Variants in STXBP5L observed in about 807,000 individuals in gnomAD.
The protein encoded by STXBP5L is syntaxin-binding protein 5-like.
In STXBP5L, 65 loss-of-function variants were observed where a neutral mutation model predicts 144.5. The observed-to-expected ratio is 0.45, with a 90% CI of 0.37 to 0.55. The LOEUF is 0.55. Among genes scored for constraint, STXBP5L ranks in the 20% least tolerant of loss-of-function variants. The pLI, the probability that STXBP5L is intolerant of heterozygous loss-of-function variation, is 0.00. For synonymous variants in STXBP5L, 505 were observed against 469.6 expected, an observed-to-expected ratio of 1.08 and a Z score of -0.97; for missense variants, 1,298 against 1,405.5, an observed-to-expected ratio of 0.92 and a Z score of 1.22.
At position 121,415,918 on chromosome 3, in the gene STXBP5L, T is replaced by C; in HGVS notation, c.3176T>C (p.Leu1059Pro). The change falls in exon 25 of 27, where the codon CTC (leucine) becomes CCC (proline). Residue 1059 changes from leucine (L) to proline (P), a missense_variant. Coordinates refer to ENST00000471454, the MANE Select transcript of STXBP5L (RefSeq NM_001308330.2). ...CCAGAAGCTCAAAACAGAGGCTTTC[T>C]CAAGGGACTGTTTGGTGGAAGCGGA... ...ETPEAQNRGF[L>P]KGLFGGSGQT... 1.2e-6 allele frequency: 2 copies of C among 1,613,612 alleles called. No homozygotes were observed. The highest frequency in any genetic ancestry group is 1.7e-6 in the Non-Finnish European group (2 of 1,179,686).
intron 4 of STXBP5L, 79 bp downstream of exon 4, chr3:121,041,860 C>A: frequency 1.1e-6 from 1 of 944,208 alleles, no homozygotes; most frequent in Non-Finnish European, 1.7e-6. Flanking sequence ...CTTTTAAATA[C>A]TGTGATTCTA....
At chr3:121,045,318 T>A in intron 4 of STXBP5L, 117 bp from the exon 5 acceptor site, 1 of 881,424 alleles carries the variant, frequency 1.1e-6, no homozygotes. Flanking sequence ...CTTATATTTC[T>A]GAGATAACAA....
At chr3:121,384,664 G>A (rs2046388112) in intron 22 of STXBP5L, among the ~76,000 whole-genome samples, 1 of 151,774 alleles carries the variant, frequency 6.6e-6, no homozygotes, top group African/African-American at 2.4e-5. Context: ...CGTGAAGAAG[G>A]AAAAGACTAC....
chr3:121,181,776 A>C (rs938631793), intron 9 of STXBP5L, among the ~76,000 whole-genome samples: 2 of 151,994 alleles, frequency 1.3e-5, no homozygotes, highest in African/African-American at 2.4e-5. Flanking sequence ...ACAAACAAAC[A>C]AAAAACAACC....
intron 2 of STXBP5L, among the ~76,000 whole-genome samples, chr3:120,915,596 T>C (rs1342780783): frequency 1.3e-5 from 2 of 152,150 alleles, no homozygotes; most frequent in African/African-American, 4.8e-5. Flanking sequence ...TCTTTTTTAG[T>C]CTTAAAAGGA....
intron 20 of STXBP5L, among the ~76,000 whole-genome samples, chr3:121,370,092 G>A (rs577250239): frequency 7.5e-4 from 114 of 152,236 alleles, no homozygotes; most frequent in African/African-American, 2.6e-3. Context: ...GTGGCTAGGC[G>A]CAGTGGCTCA....
chr3:120,976,235 C>T (rs1003753534), intron 3 of STXBP5L, among the ~76,000 whole-genome samples: 1 of 152,142 alleles, frequency 6.6e-6, no homozygotes, highest in Non-Finnish European at 1.5e-5. Context: ...TGTTATTAGT[C>T]TATTCAGAGA....
intron 3 of STXBP5L, among the ~76,000 whole-genome samples, chr3:120,968,841 C>T (rs1014489826): frequency 6.6e-6 from 1 of 152,042 alleles, no homozygotes; most frequent in Non-Finnish European, 1.5e-5. Flanking sequence ...AGAATAATGG[C>T]CTCCCGCTCC....
chr3:121,358,483 G>A lies in STXBP5L; in HGVS notation c.2177-20233G>A, dbSNP rs189528690. Among the ~76,000 whole-genome samples the A allele has an allele frequency of 2.6e-4, 40 of 152,232 alleles. No individual in the cohort carries two copies. The East Asian group carries it at 6.0e-3, about 23-fold the overall frequency. Reference sequence around the variant, plus strand: ...AGAGAAGGAGGAAGAGAGAGCAAAGGGGGCAGTGCTGCATGTTTTTAAACA... The same window carrying A: ...AGAGAAGGAGGAAGAGAGAGCAAAGAGGGCAGTGCTGCATGTTTTTAAACA... On this transcript the variant is annotated intron_variant, in intron 20 of 26. Transcript: ENST00000471454.
intron 3 of STXBP5L, among the ~76,000 whole-genome samples, chr3:121,004,056 C>G (rs1944032969): frequency 6.6e-6 from 1 of 151,904 alleles, no homozygotes; most frequent in African/African-American, 2.4e-5. Context: ...TCCATATGAA[C>G]TTTAAAGTAG....
chr3:120,991,583 A>T (rs990922607), intron 3 of STXBP5L, among the ~76,000 whole-genome samples: 5 of 152,312 alleles, frequency 3.3e-5, no homozygotes, highest in African/African-American at 1.2e-4. Context: ...AACCAACCCA[A>T]ATGTCCAACA....
intron 5 of STXBP5L, among the ~76,000 whole-genome samples, chr3:121,103,015 C>T (rs1054580133): frequency 6.6e-6 from 1 of 152,032 alleles, no homozygotes; most frequent in South Asian, 2.1e-4. Context: ...TATCTCCTAC[C>T]CATCAGAATG....
chr3:121,056,559 C>T (rs1298023499), intron 5 of STXBP5L, among the ~76,000 whole-genome samples: 2 of 152,108 alleles, frequency 1.3e-5, no homozygotes, highest in African/African-American at 2.4e-5. Flanking sequence ...TTATAACCCA[C>T]ATTTAAAATA....
At chr3:121,232,751 G>C (rs1202880678) in intron 11 of STXBP5L, among the ~76,000 whole-genome samples, 1 of 152,170 alleles carries the variant, frequency 6.6e-6, no homozygotes, top group African/African-American at 2.4e-5. Context: ...GAGTGAACTG[G>C]CAAGGAGACA....
intron 7 of STXBP5L, among the ~76,000 whole-genome samples, chr3:121,138,167 A>G (rs1259368884): frequency 1.3e-5 from 2 of 152,132 alleles, no homozygotes; most frequent in Admixed American, 6.6e-5. Context: ...AATTCTATTT[A>G]CCATATCCAT....
chr3:121,354,283 T>C (rs1214572693), intron 20 of STXBP5L, among the ~76,000 whole-genome samples: 1 of 152,160 alleles, frequency 6.6e-6, no homozygotes, highest in Non-Finnish European at 1.5e-5. Flanking sequence ...CAGTGGGGTG[T>C]TAAAGTCTCC....
At chr3:121,313,231 T>A (rs1340226126) in intron 19 of STXBP5L, among the ~76,000 whole-genome samples, 1 of 77,770 alleles carries the variant, frequency 1.3e-5, no homozygotes, top group African/African-American at 5.6e-5. Flanking sequence ...CCCCCCCACC[T>A]CCCTCCCGGA....
intron 5 of STXBP5L, among the ~76,000 whole-genome samples, chr3:121,068,197 A>G (rs1191345365): frequency 6.6e-6 from 1 of 151,984 alleles, no homozygotes; most frequent in Non-Finnish European, 1.5e-5. Flanking sequence ...TTTAGTAGAA[A>G]TGTGGTTTCA....
At chr3:121,302,376 G>A (rs1315375424) in intron 19 of STXBP5L, among the ~76,000 whole-genome samples, 3 of 152,062 alleles carry the variant, frequency 2.0e-5, no homozygotes, top group African/African-American at 4.8e-5. Context: ...ATTTCTGTGG[G>A]ATTGGTGGTG....
Sources: allele counts gnomAD v4.1 joint callset (sites outside exome capture counted in the v4.1 genomes callset), GRCh38; gene constraint gnomAD v4.1.1; transcripts MANE v1.5; gene names NCBI Gene and HGNC (gene_info 2026-07-23, HGNC 2026-07-21).